The following ALK variants were observed in gnomAD, a reference collection of about 807,000 sequenced individuals.
ALK encodes ALK receptor tyrosine kinase, also known as ALK tyrosine kinase receptor.
Under a neutral mutation model 163.1 loss-of-function variants are expected in ALK, and 74 were observed. The ratio of observed to expected loss-of-function variants is 0.45; its 90% confidence interval spans 0.38 to 0.55. ALK has a LOEUF of 0.55. Among genes scored for constraint, ALK ranks in the 20% least tolerant of loss-of-function variants. The pLI, the probability that ALK is intolerant of heterozygous loss-of-function variation, is 0.00. For synonymous variants in ALK, 960 were observed against 843.2 expected, an observed-to-expected ratio of 1.14 and a Z score of -2.40; for missense variants, 2,063 against 2,105.3, an observed-to-expected ratio of 0.98 and a Z score of 0.39.
intron 9 of ALK, among the ~76,000 whole-genome samples, chr2:29,296,512 G>GTAAGGCAAAGTCTATCATA (rs1235494189): frequency 1.3e-5 from 2 of 152,234 alleles, no homozygotes; most frequent in Non-Finnish European, 2.9e-5. Flanking sequence ...AGTGGGGAAA[G>GTAAGGCAAAGTCTATCATA]TAAGGCAAAG....
At chr2:29,747,676 C>A (rs1394846301) in intron 1 of ALK, among the ~76,000 whole-genome samples, 2 of 152,154 alleles carry the variant, frequency 1.3e-5, no homozygotes, top group African/African-American at 4.8e-5. Flanking sequence ...CCCCAGAGAC[C>A]ATTTGGCCCA....
chr2:29,385,331 A>T (rs1405369933), intron 4 of ALK, among the ~76,000 whole-genome samples: 2 of 151,654 alleles, frequency 1.3e-5, no homozygotes, highest in African/African-American at 4.8e-5. Context: ...CTAGAATACC[A>T]TTGTCCAGCA....
chr2:29,598,091 G>A (rs539350611), intron 3 of ALK, among the ~76,000 whole-genome samples: 4 of 152,332 alleles, frequency 2.6e-5, no homozygotes, highest in South Asian at 4.1e-4. Context: ...GCAATGGTGC[G>A]ATCTTGGCTC....
intron 3 of ALK, among the ~76,000 whole-genome samples, chr2:29,651,719 C>T (rs540790880): frequency 2.0e-5 from 3 of 152,206 alleles, no homozygotes; most frequent in Admixed American, 6.5e-5. Flanking sequence ...TCTCAGGGGT[C>T]CTGCCTCATC....
chr2:29,671,042 C>A (rs1677668518), intron 3 of ALK, among the ~76,000 whole-genome samples: 1 of 151,938 alleles, frequency 6.6e-6, no homozygotes, highest in Non-Finnish European at 1.5e-5. Context: ...TCATGGTTCC[C>A]TGTTAGCTGT....
At chr2:29,691,399 A>G (rs1198692818) in intron 3 of ALK, among the ~76,000 whole-genome samples, 1 of 152,238 alleles carries the variant, frequency 6.6e-6, no homozygotes, top group African/African-American at 2.4e-5. Flanking sequence ...TTGGTAAAGG[A>G]GACTGGTGTA....
intron 8 of ALK, among the ~76,000 whole-genome samples, chr2:29,308,871 G>A (rs1392861271): frequency 6.6e-6 from 1 of 151,734 alleles, no homozygotes; most frequent in Non-Finnish European, 1.5e-5. Flanking sequence ...ACGACAGGGT[G>A]AAAATGCTGT....
intron 3 of ALK, among the ~76,000 whole-genome samples, chr2:29,561,008 C>G (rs953249980): frequency 1.3e-5 from 2 of 151,322 alleles, no homozygotes; most frequent in African/African-American, 4.9e-5. Flanking sequence ...TAATATTATT[C>G]TCATTAATAT....
At chr2:29,242,449 T>TA (rs966328061) in intron 12 of ALK, among the ~76,000 whole-genome samples, 1 of 152,206 alleles carries the variant, frequency 6.6e-6, no homozygotes, top group Non-Finnish European at 1.5e-5. Flanking sequence ...TTAGCCAAAT[T>TA]ATTATATTTT....
chr2:29,447,260 A>G (rs932493448), intron 4 of ALK, among the ~76,000 whole-genome samples: 1 of 152,228 alleles, frequency 6.6e-6, no homozygotes, highest in Admixed American at 6.5e-5. Context: ...ATTATTCATT[A>G]GCACTGCCCA....
chr2:29,253,875 GATAGATAGATAGATAGA>G (rs1558639910), intron 11 of ALK, among the ~76,000 whole-genome samples: 3 of 151,746 alleles, frequency 2.0e-5, no homozygotes, highest in African/African-American at 7.3e-5. Flanking sequence ...TAGATAGATA[GATAGATAGATAGATAGA>G]TAGGTAGATA....
At chr2:29,350,008 G>A (rs1668071316) in intron 5 of ALK, among the ~76,000 whole-genome samples, 1 of 152,234 alleles carries the variant, frequency 6.6e-6, no homozygotes, top group Non-Finnish European at 1.5e-5. Flanking sequence ...AGCCTGGAGA[G>A]CAATGGATAA....
rs1558608670 is a variant in ALK, at chr2:29,200,759, A to ACG, written c.3939-3084_3939-3083insCG. Among the ~76,000 whole-genome samples the ACG allele has an allele frequency of 2.0e-4, 22 of 110,046 alleles. 1 individual carries two copies. The highest frequency in any genetic ancestry group is 7.3e-4 in the African/African-American group (13 of 17,888). The allele number at this position is 110,046 out of a possible 152,430, so 72.2% of individuals were successfully genotyped here. A position where few individuals can be genotyped will look rare whatever the true frequency, so the allele number is the denominator to read the frequency against. ...TATATACGTATATATATACGTATAT[A>ACG]TGTATATATATACGTATATATATGT... On this transcript the variant is annotated intron_variant, in intron 26 of 28. Transcript: ENST00000389048.
chr2:29,360,826 G>A (rs760261827), intron 5 of ALK, among the ~76,000 whole-genome samples: 24 of 152,222 alleles, frequency 1.6e-4, no homozygotes, highest in Non-Finnish European at 2.2e-4. Context: ...ATTTATCTAT[G>A]AGGTTTGTGC....
chr2:29,349,375 A>T (rs552869459), intron 5 of ALK, among the ~76,000 whole-genome samples: 1 of 152,306 alleles, frequency 6.6e-6, no homozygotes, highest in East Asian at 1.9e-4. Flanking sequence ...AGTCATTTCA[A>T]ACTGCTTGTT....
At chr2:29,682,739 C>T (rs745854067) in intron 3 of ALK, among the ~76,000 whole-genome samples, 2 of 152,144 alleles carry the variant, frequency 1.3e-5, no homozygotes, top group Non-Finnish European at 2.9e-5. Context: ...AGTGTCATGG[C>T]AATATATAAC....
chr2:29,376,853 G>A (rs992338022), intron 5 of ALK, among the ~76,000 whole-genome samples: 8 of 152,306 alleles, frequency 5.3e-5, no homozygotes, highest in East Asian at 1.9e-4. Context: ...AGCTTCTTTC[G>A]TTTCCTCTTG....
At chr2:29,544,420 G>A (rs181396203) in intron 3 of ALK, among the ~76,000 whole-genome samples, 2 of 152,210 alleles carry the variant, frequency 1.3e-5, no homozygotes, top group African/African-American at 4.8e-5. Flanking sequence ...CTTCAAGAGT[G>A]GAATATAAAA....
Position 29,920,971 on chromosome 2 carries a change from C to T in ALK, c.-312G>A. On this transcript the variant is annotated 5_prime_UTR_variant, in exon 1 of 29. Transcript: ENST00000389048. ...CCGCGCCCCCGTCTGTAGCTCGCTG[C>T]GCTCGGTACAGAGGAACTACTATGG... 2.1e-6 allele frequency: 1 copy of T among 471,084 alleles called. No individual in the cohort carries two copies. Among genetic ancestry groups the T allele is most frequent in the South Asian group, 2.7e-5 (1 of 37,026 alleles). 29.2% of individuals were successfully genotyped at this position (471,084 alleles called of 1,614,324 possible). A position where few individuals can be genotyped will look rare whatever the true frequency, so the allele number is the denominator to read the frequency against.
Sources: allele counts gnomAD v4.1 joint callset (sites outside exome capture counted in the v4.1 genomes callset), GRCh38; gene constraint gnomAD v4.1.1; transcripts MANE v1.5; gene names NCBI Gene and HGNC (gene_info 2026-07-23, HGNC 2026-07-21).